OTOG: variants seen among roughly 807,000 people sequenced by gnomAD.
OTOG encodes the protein otogelin.
In OTOG, 296 loss-of-function variants were observed where a neutral mutation model predicts 313.8. That is an observed-to-expected ratio of 0.94 (90% confidence interval 0.86 to 1.04). The LOEUF is 1.04. OTOG is among the 50% of genes least tolerant of loss of function. OTOG has a pLI of 0.00. For synonymous variants in OTOG, 1,533 were observed against 1,554.9 expected (o/e 0.99, Z 0.33); for missense variants, 3,948 against 3,840.1 (o/e 1.03, Z -0.74).
rs566692697 is a variant in OTOG at position 17,616,207 on chromosome 11, C to T, written c.6528+2506C>T. Reference sequence around the variant, plus strand: ...CCAAGTAGAGGACAACAAGTGTATGCCACCATGCCTAGCTAATTTTTTAAT... The same window carrying T: ...CCAAGTAGAGGACAACAAGTGTATGTCACCATGCCTAGCTAATTTTTTAAT... On this transcript the variant is annotated intron_variant, in intron 39 of 55. Transcript: ENST00000399397. Among the ~76,000 whole-genome samples the T allele has an allele frequency of 6.6e-5, 10 of 152,042 alleles. No homozygotes were observed. In the South Asian group the frequency reaches 1.5e-3, roughly 22 times the overall value.
At chr11:17,571,489 C>T (rs908705825) in intron 17 of OTOG, among the ~76,000 whole-genome samples, 4 of 152,182 alleles carry the variant, frequency 2.6e-5, no homozygotes, top group Non-Finnish European at 5.9e-5. Context: ...ATGCTCATCC[C>T]CCTTCCTCCC....
At position 17,635,115 on chromosome 11, in the gene OTOG, C is replaced by G. The variant is rs1854232034; in HGVS notation, c.7621C>G (p.Pro2541Ala). Residue 2541 changes from proline to alanine, a missense_variant, in exon 46 of 56, where the codon CCC (proline) becomes GCC (alanine). Physicochemically the swap from Pro to Ala is conservative, Grantham distance 27. Transcript: ENST00000399397. ...AGATCTCTGTGAGGCAGAGCTGGTC[C>G]CCAGCTGCCGACAGGACCAGATCCT... is the stretch of plus-strand genomic sequence containing the variant. Reference protein sequence around the residue: ...DPDLCEAELVPSCRQDQILIT... With the variant: ...DPDLCEAELVASCRQDQILIT... The G allele has an allele frequency of 6.5e-7, 1 of 1,549,298 alleles. No homozygotes were observed. Among genetic ancestry groups the G allele is most frequent in the Non-Finnish European group, 8.7e-7 (1 of 1,146,610 alleles).
At chr11:17,548,263 C>T (rs1851853718) in intron 3 of OTOG, 51 bp downstream of exon 3, 1 of 1,466,128 alleles carries the variant, frequency 6.8e-7, no homozygotes, top group South Asian at 1.3e-5. Flanking sequence ...TCATGTCTAT[C>T]TGGATCTGAG....
intron 39 of OTOG, among the ~76,000 whole-genome samples, chr11:17,619,454 G>T (rs746304730): frequency 7.9e-5 from 12 of 152,030 alleles, no homozygotes; most frequent in Non-Finnish European, 1.5e-4. Flanking sequence ...TTCTATTTGT[G>T]ACATCTGTTC....
At chr11:17,635,733 G>C in intron 47 of OTOG, 22 bp downstream of exon 47, 2 of 1,536,518 alleles carry the variant, frequency 1.3e-6, no homozygotes, top group Non-Finnish European at 1.8e-6. Context: ...CTGGGCACAT[G>C]GCGGGCTGCG....
In OTOG at chr11:17,641,917, T is replaced by C; in HGVS notation, c.8261T>C (p.Phe2754Ser). 6.5e-7 allele frequency: 1 copy of C among 1,550,246 alleles called. No homozygotes were observed. Among genetic ancestry groups the C allele is most frequent in the Non-Finnish European group, 8.7e-7 (1 of 1,146,828 alleles). ...CGSCRNVSCL[F>S]TFPNGTTSLF... ...TCCTGCAGGAACGTGTCCTGTCTCT[T>C]CACCTTCCCCAATGGCACCACCTCC... The change falls in exon 52 of 56, where the codon TTC becomes TCC. Residue 2754 changes from phenylalanine (F) to serine (S), a missense_variant. Physicochemically the swap from Phe to Ser is radical, Grantham distance 155. Transcript: ENST00000399397.
At chr11:17,569,495 A>G (rs546150284) in intron 16 of OTOG, among the ~76,000 whole-genome samples, 85 of 152,350 alleles carry the variant, frequency 5.6e-4, no homozygotes, top group Middle Eastern at 6.8e-3. Flanking sequence ...TGGACTTCCT[A>G]GTAGCATGAT....
At chr11:17,551,911 C>A (rs1851942655) in intron 3 of OTOG, 89 bp from the exon 4 acceptor site, 11 of 1,195,444 alleles carry the variant, frequency 9.2e-6, no homozygotes, top group South Asian at 1.3e-5. Flanking sequence ...GGGAGATGAA[C>A]AAAGAGGGCT....
intron 39 of OTOG, among the ~76,000 whole-genome samples, chr11:17,625,561 TTTTATTGAGGA>T (rs1198369457): frequency 5.9e-5 from 9 of 152,342 alleles, no homozygotes; most frequent in African/African-American, 2.2e-4. Context: ...TTTGCCAATA[TTTTATTGAGGA>T]TTTTTGCATC....
In OTOG at chr11:17,581,438, C is replaced by T. The variant is rs1165082420; in HGVS notation, c.2759+2912C>T. ...TGGAATCCCAGCAAATGGAGACATT[C>T]GCCTCCCAGCTCAGAGATGACAGAG... On this transcript the variant is annotated intron_variant, in intron 23 of 55. Coordinates refer to ENST00000399397, the MANE Select transcript of OTOG (RefSeq NM_001292063.2). 2.0e-5 allele frequency among the ~76,000 whole-genome samples: 3 copies of T among 152,154 alleles called. 1 individual carries two copies. The highest frequency in any genetic ancestry group is 4.1e-4 in the South Asian group (2 of 4,820).
At chr11:17,632,551 C>T (rs778861544) in intron 42 of OTOG, among the ~76,000 whole-genome samples, 7 of 152,152 alleles carry the variant, frequency 4.6e-5, no homozygotes, top group Admixed American at 2.0e-4. Flanking sequence ...CCATCGCCCC[C>T]GCCCAGGGTG....
Position 17,570,399 on chromosome 11 carries a change from C to G in OTOG, c.1955+9C>G. ...ACGCAGGATGACTTCCTGTACGTAG[C>G]CCTGCCACGGAACCCGAAGAAGAGG... is the stretch of plus-strand genomic sequence containing the variant. On this transcript the variant is annotated intron_variant, in intron 17 of 55. Transcript: ENST00000399397. The G allele has an allele frequency of 6.5e-7, 1 of 1,549,718 alleles. No homozygotes were observed. The highest frequency in any genetic ancestry group is 8.7e-7 in the Non-Finnish European group (1 of 1,146,438).
chr11:17,596,224 G>A, intron 29 of OTOG, 70 bp downstream of exon 29: 1 of 1,121,388 alleles, frequency 8.9e-7, no homozygotes, highest in Non-Finnish European at 1.3e-6. Context: ...TCAGCTCTCA[G>A]ACTCCCCCAT....
chr11:17,642,938 GCCC>G (rs1175353933), intron 53 of OTOG, among the ~76,000 whole-genome samples: 3 of 152,120 alleles, frequency 2.0e-5, no homozygotes, highest in Non-Finnish European at 4.4e-5. Context: ...ACTGAGACCT[GCCC>G]CCCAACACAC....
intron 15 of OTOG, 81 bp from the exon 16 acceptor site, chr11:17,569,075 G>T: frequency 6.8e-7 from 1 of 1,481,136 alleles, no homozygotes; most frequent in Non-Finnish European, 9.2e-7. Flanking sequence ...CTGGGCTGGG[G>T]TCTCTGTCCC....
chr11:17,623,923 T>G (rs996930616), intron 39 of OTOG, among the ~76,000 whole-genome samples: 26 of 152,212 alleles, frequency 1.7e-4, no homozygotes, highest in Admixed American at 9.2e-4. Flanking sequence ...TTTCATATGC[T>G]TATTGGCTGA....
chr11:17,571,987 T>C (rs986842790), intron 17 of OTOG, 93 bp from the exon 18 acceptor site: 1 of 1,487,130 alleles, frequency 6.7e-7, no homozygotes, highest in Non-Finnish European at 9.1e-7. Context: ...TGTGTGTGTA[T>C]ATGAGCAAGT....
intron 39 of OTOG, among the ~76,000 whole-genome samples, chr11:17,619,765 C>A: frequency 6.6e-6 from 1 of 152,068 alleles, no homozygotes; most frequent in East Asian, 1.9e-4. Flanking sequence ...ATTATTTTTC[C>A]TTAAGCAGTT....
intron 46 of OTOG, 55 bp downstream of exon 46, chr11:17,635,242 C>A: frequency 7.1e-7 from 1 of 1,408,812 alleles, no homozygotes; most frequent in South Asian, 1.3e-5. Context: ...GTCCGCCGGC[C>A]TCACCCCTGT....
Sources: gnomAD v4.1 joint callset for allele counts (sites outside exome capture counted in the v4.1 genomes callset) on GRCh38, gnomAD v4.1.1 for gene constraint, MANE v1.5 for transcripts, NCBI Gene and HGNC (gene_info 2026-07-23, HGNC 2026-07-21) for gene names.